ADGRG5: variants seen among roughly 807,000 people sequenced by gnomAD.
The protein encoded by ADGRG5 is adhesion G protein-coupled receptor G5.
In ADGRG5, 37 loss-of-function variants were observed where a neutral mutation model predicts 53.2. The observed-to-expected ratio is 0.70, with a 90% CI of 0.53 to 0.91. ADGRG5 has a LOEUF of 0.91. Ranked by LOEUF, ADGRG5 falls within the 40% of genes least tolerant of loss-of-function variation. The probability of loss-of-function intolerance (pLI) is 0.00; values close to 1 mark genes in which losing one functional copy is unlikely to be tolerated. For missense variants in ADGRG5, 614 were observed against 675.8 expected (o/e 0.91, Z 1.01); for synonymous variants, 277 against 290.4 (o/e 0.95, Z 0.47).
rs1269229795 is a variant in ADGRG5, at chr16:57,565,280, C to T, written c.546+130C>T. ...ATCCATCACACTTTGAAAATTCCTG[C>T]TCAAGAAATAAGAGAGAGAGAAGTT... is the stretch of plus-strand genomic sequence containing the variant. On this transcript the variant is annotated intron_variant, in intron 6 of 11. Coordinates refer to ENST00000349457, the MANE Select transcript of ADGRG5 (RefSeq NM_001304376.3). 4.5e-6 allele frequency: 3 copies of T among 662,788 alleles called. No individual in the cohort carries two copies. The African/African-American group carries it at 5.4e-5, about 12-fold the overall frequency. 41.1% of individuals were successfully genotyped at this position (662,788 alleles called of 1,614,324 possible).
chr16:57,563,859 G>A lies in ADGRG5; in HGVS notation c.309G>A (p.Gln103=), dbSNP rs1280185018. The change falls in exon 5 of 12, where the codon CAG becomes CAA. Residue 103 remains glutamine (Q), a synonymous_variant. Transcript: ENST00000349457. The part of the protein sequence containing the change: ...TLKRVPQAGG[Q]HARGQHAMQF... ...GCGACCCTCTGCAGGCAGGAGGTCAGCATGCCCGGGGTCAGCACGCCATGC... is the reference window on the plus strand; with the variant it reads ...GCGACCCTCTGCAGGCAGGAGGTCAACATGCCCGGGGTCAGCACGCCATGC... The A allele has an allele frequency of 6.2e-7, 1 of 1,613,730 alleles. No individual in the cohort carries two copies. Among genetic ancestry groups the A allele is most frequent in the Non-Finnish European group, 8.5e-7 (1 of 1,179,986 alleles).
At chr16:57,559,007 G>A (rs1426380530) in intron 1 of ADGRG5, among the ~76,000 whole-genome samples, 2 of 135,744 alleles carry the variant, frequency 1.5e-5, no homozygotes, top group Non-Finnish European at 1.5e-5. Context: ...CACCACATCT[G>A]CCTAATTTTT....
chr16:57,569,384 A>ATCACCACCTCCTCCACCTCCATCAC (rs2033267474), intron 9 of ADGRG5, among the ~76,000 whole-genome samples: 1 of 68,754 alleles, frequency 1.5e-5, no homozygotes, highest in Non-Finnish European at 3.2e-5. Context: ...ACCTCCATCA[A>ATCACCACCTCCTCCACCTCCATCAC]CTCCATCACC....
intron 9 of ADGRG5, among the ~76,000 whole-genome samples, 193 bp from the exon 10 acceptor site, chr16:57,570,225 T>C (rs1454887016): frequency 6.6e-6 from 1 of 152,162 alleles, no homozygotes; most frequent in Non-Finnish European, 1.5e-5. Context: ...CGTAGAGCCG[T>C]CACTAACATC....
At position 57,563,864 on chromosome 16, in the gene ADGRG5, C is replaced by T. The variant is rs1460352104; in HGVS notation, c.314C>T (p.Ala105Val). 6.2e-7 allele frequency: 1 copy of T among 1,613,858 alleles called. No homozygotes were observed. Among genetic ancestry groups the T allele is most frequent in the East Asian group, 2.2e-5 (1 of 44,872 alleles). Residue 105 changes from alanine to valine, a missense_variant, in exon 5 of 12, where the codon GCC (alanine) becomes GTC (valine). By Grantham distance (64) the Ala-to-Val change is moderately conservative (BLOSUM62 0). Transcript: ENST00000349457. Reference protein sequence around the residue: ...KRVPQAGGQHARGQHAMQFPA... With the variant: ...KRVPQAGGQHVRGQHAMQFPA... ...CCTCTGCAGGCAGGAGGTCAGCATG[C>T]CCGGGGTCAGCACGCCATGCAGTTC...
intron 6 of ADGRG5, chr16:57,566,344 A>G: frequency 2.7e-6 from 1 of 377,170 alleles, no homozygotes; most frequent in Non-Finnish European, 4.7e-6. Flanking sequence ...TTGTTGTAAC[A>G]TGGGTACGAA....
intron 1 of ADGRG5, among the ~76,000 whole-genome samples, chr16:57,543,481 C>A (rs2032539628): frequency 6.6e-6 from 1 of 151,990 alleles, no homozygotes; most frequent in Non-Finnish European, 1.5e-5. Flanking sequence ...CGGGATTTCG[C>A]CACTTTGGTC....
intron 8 of ADGRG5, 88 bp from the exon 9 acceptor site, chr16:57,567,768 T>G (rs545292675): frequency 1.3e-6 from 2 of 1,489,060 alleles, no homozygotes; most frequent in African/African-American, 2.7e-5. Context: ...CGCCTCAGTT[T>G]CCCTGTCGGC....
intron 9 of ADGRG5, among the ~76,000 whole-genome samples, chr16:57,569,372 C>T (rs1259537165): frequency 1.3e-5 from 2 of 150,876 alleles, no homozygotes; most frequent in Non-Finnish European, 3.0e-5. Context: ...ACCACCTCCT[C>T]CACCTCCATC....
At chr16:57,529,158 G>T in the ADGRG5 span, 6 of 1,184,832 alleles carry the variant, frequency 5.1e-6, no homozygotes, top group Non-Finnish European at 5.2e-6. This position sits in a 1 kb window ranked among gnomAD's most constrained non-coding sequence, Gnocchi z 4.1. Context: ...GGCCAGCCGG[G>T]GGCTGGGCCC....
In ADGRG5 at chr16:57,562,398, C is replaced by A; in HGVS notation, c.79C>A (p.Leu27Ile). ...TGTCCCCACAGAGACATGGGAAGAA[C>A]TCCTGAGCTACATGGAGAATATGCA... ...QNATTETWEELLSYMENMQVS... is the reference protein window; with the variant it reads ...QNATTETWEEILSYMENMQVS... Residue 27 changes from leucine to isoleucine, a missense_variant, in exon 3 of 12, where the codon CTC becomes ATC. Transcript: ENST00000349457. 1 of 1,608,198 alleles carries A rather than the reference C, an allele frequency of 6.2e-7. No individual in the cohort carries two copies. The highest frequency in any genetic ancestry group is 8.5e-7 in the Non-Finnish European group (1 of 1,177,696).
At chr16:57,540,547 G>A (rs760104715), upstream of ADGRG5, among the ~76,000 whole-genome samples, 10 of 152,054 alleles carry the variant, frequency 6.6e-5, no homozygotes, top group Non-Finnish European at 8.8e-5. Context: ...TAGAGGAGCA[G>A]GAGGCAGAGA....
In ADGRG5 at chr16:57,554,598, A is replaced by G. The variant is rs151076323; in HGVS notation, c.-38-7458A>G. ...TCACCGTGTTAGCCAGGATGGTCTC[A>G]ATCTCCTGACTTTGTGATCCGCCCA... On this transcript the variant is annotated intron_variant, in intron 1 of 11. Transcript: ENST00000349457. Among the ~76,000 whole-genome samples, 479 of 152,126 alleles carry G rather than the reference A, an allele frequency of 3.1e-3. 1 individual carries two copies. The highest frequency in any genetic ancestry group is 4.4e-3 in the African/African-American group (183 of 41,506).
intron 1 of ADGRG5, among the ~76,000 whole-genome samples, chr16:57,545,976 C>T (rs929277389): frequency 6.6e-6 from 1 of 152,118 alleles, no homozygotes; most frequent in Non-Finnish European, 1.5e-5. Flanking sequence ...CAGGCACGCT[C>T]CACTGCGCCT....
chr16:57,539,454 C>CCTTTTTT (rs35929048), upstream of ADGRG5, among the ~76,000 whole-genome samples: 5 of 141,506 alleles, frequency 3.5e-5, 2 homozygotes. Context: ...CACTGTACCC[C>CCTTTTTT]TTTTTTTTTT....
chr16:57,553,759 A>AG (rs1291241834), intron 1 of ADGRG5, among the ~76,000 whole-genome samples: 3 of 152,202 alleles, frequency 2.0e-5, no homozygotes, highest in Admixed American at 2.0e-4. Flanking sequence ...TATATTCATG[A>AG]GGGGTGTTGG....
chr16:57,564,729 CT>C (rs2146802539), intron 5 of ADGRG5, among the ~76,000 whole-genome samples: 1 of 152,180 alleles, frequency 6.6e-6, no homozygotes, highest in Admixed American at 6.5e-5. Context: ...GGGAAGGTGC[CT>C]TTCAACCTTG....
the ADGRG5 span, among the ~76,000 whole-genome samples, chr16:57,529,906 C>G: frequency 2.6e-5 from 4 of 152,216 alleles, no homozygotes; most frequent in African/African-American, 9.6e-5. The surrounding 1 kb of genome is among the most constrained non-coding windows in gnomAD (Gnocchi z 4.1). Flanking sequence ...AGTCCCAACA[C>G]ATGATGACAA....
chr16:57,531,972 G>A, the ADGRG5 span, among the ~76,000 whole-genome samples: 1 of 152,180 alleles, frequency 6.6e-6, no homozygotes, highest in African/African-American at 2.4e-5. Flanking sequence ...CGACCCCGCT[G>A]CATTTCTCTA....
Sources: allele counts gnomAD v4.1 joint callset (sites outside exome capture counted in the v4.1 genomes callset), GRCh38; gene constraint gnomAD v4.1.1; non-coding constraint Gnocchi (gnomAD v3.1); transcripts MANE v1.5; gene names NCBI Gene and HGNC (gene_info 2026-07-23, HGNC 2026-07-21).